Variants in CCDC171 observed in about 807,000 individuals in gnomAD.
CCDC171 encodes coiled-coil domain containing 171.
In CCDC171, 177 loss-of-function variants were observed where a neutral mutation model predicts 168.2. The ratio of observed to expected loss-of-function variants is 1.05; its 90% CI spans 0.93 to 1.19. The LOEUF is 1.19. Among genes scored for constraint, CCDC171 ranks in the 50% most tolerant of loss-of-function variants. The pLI, the probability that CCDC171 is intolerant of heterozygous loss-of-function variation, is 0.00. For missense variants in CCDC171, 1,991 were observed against 1,539.0 expected, an observed-to-expected ratio of 1.29 and a Z score of -4.91; for synonymous variants, 687 against 540.8, an observed-to-expected ratio of 1.27 and a Z score of -3.75.
chr9:15,912,454 A>G (rs551189354), intron 24 of CCDC171, among the ~76,000 whole-genome samples: 1 of 152,242 alleles, frequency 6.6e-6, no homozygotes, highest in Non-Finnish European at 1.5e-5. Context: ...TGGGACTGAG[A>G]CGATGGGGTT....
At chr9:15,932,366 T>C (rs1286766383) in intron 25 of CCDC171, among the ~76,000 whole-genome samples, 3 of 151,892 alleles carry the variant, frequency 2.0e-5, no homozygotes, top group African/African-American at 7.2e-5. Context: ...TACTTTTTTA[T>C]AGCTATTGTA....
intron 6 of CCDC171, among the ~76,000 whole-genome samples, chr9:15,601,289 A>AT (rs1187742932): frequency 1.3e-5 from 2 of 152,030 alleles, no homozygotes; most frequent in Non-Finnish European, 2.9e-5. Flanking sequence ...CAGCCACTTC[A>AT]TTTTTTTGAG....
chr9:16,068,314 A>G, the CCDC171 span, among the ~76,000 whole-genome samples: 8 of 152,142 alleles, frequency 5.3e-5, no homozygotes, highest in African/African-American at 1.9e-4. Context: ...AAGAGGATAC[A>G]AACAAATGGA....
intron 21 of CCDC171, among the ~76,000 whole-genome samples, chr9:15,841,713 T>G (rs946026076): frequency 3.9e-5 from 6 of 151,986 alleles, no homozygotes; most frequent in African/African-American, 9.7e-5. Context: ...TATTGTTGTA[T>G]TTTTATTGTA....
intron 18 of CCDC171, among the ~76,000 whole-genome samples, chr9:15,763,507 A>G (rs1188624431): frequency 6.6e-6 from 1 of 152,194 alleles, no homozygotes; most frequent in Non-Finnish European, 1.5e-5. Flanking sequence ...AACATGAGTC[A>G]TATCATTACA....
rs146015164 is a variant in CCDC171 at position 15,667,900 on chromosome 9, C to A, written c.1076+1577C>A. ...TAAATGACATTCTGTGAATGTTATT[C>A]TAAGGACTTATTTATCCTTTATGTT... On this transcript the variant is annotated intron_variant, in intron 9 of 25. Coordinates refer to ENST00000380701, the MANE Select transcript of CCDC171 (RefSeq NM_173550.4). Among the ~76,000 whole-genome samples the A allele has an allele frequency of 2.6e-5, 4 of 152,238 alleles. No homozygotes were observed. The East Asian group carries it at 5.8e-4, about 22-fold the overall frequency.
intron 23 of CCDC171, among the ~76,000 whole-genome samples, chr9:15,858,896 C>T (rs1398850658): frequency 1.3e-5 from 2 of 151,992 alleles, no homozygotes; most frequent in Non-Finnish European, 2.9e-5. Flanking sequence ...TGCCAAATCA[C>T]GCTTGCTAGG....
chr9:16,042,805 A>C (rs1413596912), exon 1 of CCDC171: 1 of 152,140 alleles, frequency 6.6e-6, no homozygotes, highest in Non-Finnish European at 1.5e-5. Context: ...TAGTTCATTA[A>C]AGAAGATGAG....
At chr9:15,604,900 A>G (rs888650085) in intron 6 of CCDC171, among the ~76,000 whole-genome samples, 1 of 152,178 alleles carries the variant, frequency 6.6e-6, no homozygotes, top group African/African-American at 2.4e-5. Flanking sequence ...AATATTAGGA[A>G]TATAATTTTA....
chr9:15,793,551 GTTT>G (rs3082839), intron 21 of CCDC171, among the ~76,000 whole-genome samples: 4 of 77,060 alleles, frequency 5.2e-5, no homozygotes, highest in African/African-American at 1.9e-4. Context: ...TTATTCCAAG[GTTT>G]TTTTTTTTTT....
intron 10 of CCDC171, among the ~76,000 whole-genome samples, chr9:15,689,825 T>C (rs2050663705): frequency 6.6e-6 from 1 of 152,178 alleles, no homozygotes; most frequent in South Asian, 2.1e-4. Flanking sequence ...GTAGTCAAGA[T>C]AGTATGGTAC....
At chr9:16,016,202 G>A (rs1038450003) in intron 3 of CCDC171, among the ~76,000 whole-genome samples, 8 of 152,002 alleles carry the variant, frequency 5.3e-5, no homozygotes, top group Non-Finnish European at 7.4e-5. Context: ...TTTCCACAGC[G>A]GCAGTATATC....
At chr9:16,102,093 G>A in the CCDC171 span, among the ~76,000 whole-genome samples, 9 of 152,308 alleles carry the variant, frequency 5.9e-5, no homozygotes, top group Admixed American at 2.6e-4. Flanking sequence ...GGTCTCCAGC[G>A]TACACTTACA....
At chr9:15,917,573 C>T (rs1824698240) in intron 24 of CCDC171, among the ~76,000 whole-genome samples, 1 of 151,398 alleles carries the variant, frequency 6.6e-6, no homozygotes, top group South Asian at 2.1e-4. Flanking sequence ...GAAGAGTTAT[C>T]CACTATATAA....
At chr9:15,715,639 C>G (rs1318442826) in intron 11 of CCDC171, among the ~76,000 whole-genome samples, 1 of 152,140 alleles carries the variant, frequency 6.6e-6, no homozygotes, top group Non-Finnish European at 1.5e-5. Flanking sequence ...AAAGCTCTGT[C>G]TTTTGTCTGT....
intron 16 of CCDC171, among the ~76,000 whole-genome samples, chr9:15,732,279 G>A (rs1410096695): frequency 1.3e-5 from 2 of 152,044 alleles, no homozygotes; most frequent in African/African-American, 4.8e-5. Context: ...GGAAGATAAT[G>A]TCTTGTTTCT....
At chr9:15,842,634 G>A (rs1381316819) in intron 21 of CCDC171, among the ~76,000 whole-genome samples, 1 of 151,724 alleles carries the variant, frequency 6.6e-6, no homozygotes, top group Admixed American at 6.6e-5. Flanking sequence ...GGTGATAGTT[G>A]TACAACTCTG....
chr9:15,672,462 T>C (rs1000414304), intron 9 of CCDC171, among the ~76,000 whole-genome samples: 21 of 152,224 alleles, frequency 1.4e-4, no homozygotes, highest in African/African-American at 4.1e-4. Context: ...ATAGGTTTTC[T>C]TCTAGGGTTT....
chr9:15,883,139 C>A, intron 24 of CCDC171: 1 of 396,812 alleles, frequency 2.5e-6, no homozygotes, highest in Non-Finnish European at 5.1e-6. Flanking sequence ...AGCAATCTTC[C>A]TGCCTCAGCC....
Sources: gnomAD v4.1 joint callset for allele counts (sites outside exome capture counted in the v4.1 genomes callset) on GRCh38, gnomAD v4.1.1 for gene constraint, MANE v1.5 for transcripts, NCBI Gene and HGNC (gene_info 2026-07-23, HGNC 2026-07-21) for gene names.